The following CAST variants were observed in gnomAD, a reference collection of about 807,000 sequenced individuals.
CAST encodes the protein calpastatin.
In CAST, 76 loss-of-function variants were observed where a neutral mutation model predicts 119.6. The observed-to-expected ratio is 0.64, with a 90% CI of 0.53 to 0.77. The LOEUF (loss-of-function observed/expected upper bound fraction) is 0.77, where lower values mean the gene tolerates loss of function less well. Ranked by LOEUF, CAST falls within the 30% of genes least tolerant of loss-of-function variation. The pLI is 0.00. For synonymous variants in CAST, 319 were observed against 331.6 expected (o/e 0.96, Z 0.41); for missense variants, 953 against 946.5 (o/e 1.01, Z -0.09).
chr5:96,355,069 T>A, the CAST span, among the ~76,000 whole-genome samples: 1 of 152,082 alleles, frequency 6.6e-6, no homozygotes, highest in Non-Finnish European at 1.5e-5. Flanking sequence ...ACGTGCAGGT[T>A]TTTTACATAG....
At chr5:96,617,208 G>A (rs950806732) in intron 1 of CAST, among the ~76,000 whole-genome samples, 1 of 151,804 alleles carries the variant, frequency 6.6e-6, no homozygotes, top group Non-Finnish European at 1.5e-5. Context: ...TGTAGTAAAA[G>A]CTACAGACTC....
the CAST span, among the ~76,000 whole-genome samples, chr5:96,282,945 C>T: frequency 6.6e-6 from 1 of 150,932 alleles, no homozygotes. Context: ...CTGGCTAACA[C>T]GGTGAAACCC....
At chr5:96,023,421 T>C in the CAST span, among the ~76,000 whole-genome samples, 4 of 152,232 alleles carry the variant, frequency 2.6e-5, no homozygotes, top group Non-Finnish European at 5.9e-5. Context: ...GGAAGCTATT[T>C]TGACCTCTTC....
At chr5:96,301,555 A>G in the CAST span, among the ~76,000 whole-genome samples, 1 of 152,208 alleles carries the variant, frequency 6.6e-6, no homozygotes, top group Non-Finnish European at 1.5e-5. Flanking sequence ...AAAGCAAGTT[A>G]GTTATTTCCA....
At chr5:96,616,949 G>A (rs1373617192) in intron 1 of CAST, among the ~76,000 whole-genome samples, 2 of 152,026 alleles carry the variant, frequency 1.3e-5, no homozygotes, top group Non-Finnish European at 2.9e-5. Context: ...GCAGGGCATG[G>A]TGCCCTGGAG....
chr5:96,372,832 C>T, the CAST span, among the ~76,000 whole-genome samples: 62 of 152,274 alleles, frequency 4.1e-4, 1 homozygote, highest in African/African-American at 1.4e-3. Context: ...TCAATGCTGA[C>T]TGAAAAGGAC....
Position 96,529,894 on chromosome 5 carries a change from A to T in CAST, c.60+14A>T, listed in dbSNP as rs1745660088. Reference sequence around the variant, plus strand: ...CCATTCAGAACTGTGAGTCAATTAAACCTCTCTTATTTATAAATTACCCAG... The same window carrying T: ...CCATTCAGAACTGTGAGTCAATTAATCCTCTCTTATTTATAAATTACCCAG... On this transcript the variant is annotated intron_variant, in intron 1 of 11. Transcript: ENST00000505143. The T allele has an allele frequency of 2.1e-5, 8 of 380,480 alleles. 1 individual carries two copies. The highest frequency in any genetic ancestry group is 1.6e-4 in the South Asian group (8 of 51,556). 23.6% of individuals were successfully genotyped at this position (380,480 alleles called of 1,614,324 possible). A position where few individuals can be genotyped will look rare whatever the true frequency, so the allele number is the denominator to read the frequency against.
the CAST span, among the ~76,000 whole-genome samples, chr5:96,024,846 G>A: frequency 3.9e-5 from 6 of 151,980 alleles, no homozygotes; most frequent in African/African-American, 1.2e-4. Context: ...GGTGTCCAAC[G>A]CTCCCTTTCT....
At chr5:96,643,799 G>A (rs1214561263) in intron 1 of CAST, among the ~76,000 whole-genome samples, 1 of 152,166 alleles carries the variant, frequency 6.6e-6, no homozygotes, top group African/African-American at 2.4e-5. Flanking sequence ...CTTGAACCTT[G>A]GAGGCCGAGA....
chr5:96,532,170 GA>G (rs1013927988), intron 1 of CAST, among the ~76,000 whole-genome samples: 4 of 150,306 alleles, frequency 2.7e-5, no homozygotes, highest in South Asian at 2.1e-4. Context: ...GGAAGTTCCA[GA>G]AAAAAAAATG....
intron 1 of CAST, among the ~76,000 whole-genome samples, chr5:96,640,420 C>T (rs1399693199): frequency 6.6e-6 from 1 of 152,334 alleles, no homozygotes; most frequent in East Asian, 1.9e-4. Flanking sequence ...TACCCAGAGC[C>T]AGGCCCTCAG....
the CAST span, among the ~76,000 whole-genome samples, chr5:96,165,802 A>G: frequency 6.6e-6 from 1 of 152,252 alleles, no homozygotes; most frequent in South Asian, 2.1e-4. Flanking sequence ...AACTTCATTC[A>G]TTTATCAGTG....
At chr5:96,139,508 A>G in the CAST span, among the ~76,000 whole-genome samples, 2 of 142,354 alleles carry the variant, frequency 1.4e-5, no homozygotes, top group African/African-American at 5.3e-5. Flanking sequence ...ATATATACAC[A>G]TATATATATG....
At chr5:96,339,254 A>T in the CAST span, among the ~76,000 whole-genome samples, 1 of 152,232 alleles carries the variant, frequency 6.6e-6, no homozygotes, top group African/African-American at 2.4e-5. Flanking sequence ...CCAAGATAAC[A>T]TACGACCCCA....
the CAST span, among the ~76,000 whole-genome samples, chr5:96,294,470 G>C: frequency 6.6e-6 from 1 of 152,206 alleles, no homozygotes; most frequent in Non-Finnish European, 1.5e-5. Context: ...ACCTGAACCA[G>C]TTCTCACTGT....
At chr5:96,746,784 T>A (rs941866027) in intron 17 of CAST, among the ~76,000 whole-genome samples, 1 of 152,232 alleles carries the variant, frequency 6.6e-6, no homozygotes, top group Non-Finnish European at 1.5e-5. Flanking sequence ...GGGGTAGATA[T>A]GAATGCACGA....
chr5:96,071,885 A>T, the CAST span, among the ~76,000 whole-genome samples: 1 of 152,208 alleles, frequency 6.6e-6, no homozygotes, highest in Non-Finnish European at 1.5e-5. Flanking sequence ...ATGATTGGTC[A>T]TAAGTTGAAG....
intron 1 of CAST, among the ~76,000 whole-genome samples, chr5:96,612,070 G>GC (rs1747373111): frequency 1.3e-5 from 2 of 152,162 alleles, no homozygotes; most frequent in African/African-American, 4.8e-5. Flanking sequence ...ACTACAATTT[G>GC]ACCCAGGAAT....
chr5:96,001,308 A>G, the CAST span, among the ~76,000 whole-genome samples: 1 of 152,208 alleles, frequency 6.6e-6, no homozygotes, highest in Admixed American at 6.5e-5. Flanking sequence ...TGCTAGTTAT[A>G]TGATTCACTG....
Sources: gnomAD v4.1 joint callset for allele counts (sites outside exome capture counted in the v4.1 genomes callset) on GRCh38, gnomAD v4.1.1 for gene constraint, MANE v1.5 for transcripts, NCBI Gene and HGNC (gene_info 2026-07-23, HGNC 2026-07-21) for gene names.